The following KIF13B variants were observed in gnomAD, a reference collection of about 807,000 sequenced individuals.
The protein encoded by KIF13B is kinesin-like protein KIF13B.
In KIF13B, 127 loss-of-function variants were observed where a neutral mutation model predicts 222.0. The observed-to-expected ratio is 0.57, with a 90% CI of 0.50 to 0.66. The LOEUF (loss-of-function observed/expected upper bound fraction) is 0.66. Ranked by LOEUF, KIF13B falls within the 30% of genes least tolerant of loss-of-function variation. The pLI is 0.00. For missense variants in KIF13B, 2,173 were observed against 2,379.0 expected (o/e 0.91, Z 1.80); for synonymous variants, 976 against 919.0 (o/e 1.06, Z -1.12).
intron 10 of KIF13B, among the ~76,000 whole-genome samples, chr8:29,175,622 C>T (rs1223800758): frequency 6.6e-6 from 1 of 152,170 alleles, no homozygotes; most frequent in African/African-American, 2.4e-5. Context: ...ATGAGTAAAG[C>T]TAAACAGAAA....
At chr8:29,119,793 G>A (rs909335373) in intron 29 of KIF13B, among the ~76,000 whole-genome samples, 25 of 152,064 alleles carry the variant, frequency 1.6e-4, no homozygotes, top group Non-Finnish European at 2.2e-4. Context: ...ACCCCATCAA[G>A]CAAACAGACA....
At chr8:29,175,268 A>C (rs1354836639) in intron 10 of KIF13B, among the ~76,000 whole-genome samples, 1 of 152,180 alleles carries the variant, frequency 6.6e-6, no homozygotes, top group African/African-American at 2.4e-5. Context: ...GGGGCTCTGG[A>C]AGGCTAGAGG....
chr8:29,124,064 C>T lies in KIF13B; in HGVS notation c.3312G>A (p.Glu1104=), dbSNP rs780947624. 6.2e-7 allele frequency: 1 copy of T among 1,613,076 alleles called. No homozygotes were observed. The highest frequency in any genetic ancestry group is 8.5e-7 in the Non-Finnish European group (1 of 1,179,348). The stretch of plus-strand genomic sequence containing the variant: ...GCTTTTGCAATTGTTGATCCAAGTA[C>T]TCCTGACGTTTTGTTAATGCATTTA... The part of the protein sequence containing the change: ...KWLNALTKRQ[E]YLDQQLQKLV... Residue 1104 remains glutamate (E), a synonymous_variant, in exon 27 of 40, where the codon GAG becomes GAA. Transcript: ENST00000524189.
intron 21 of KIF13B, among the ~76,000 whole-genome samples, chr8:29,135,940 G>A (rs972033873): frequency 1.9e-4 from 26 of 137,208 alleles, no homozygotes; most frequent in African/African-American, 6.9e-4. Flanking sequence ...AAGTATTGAT[G>A]ACACACAAAA....
chr8:29,198,670 C>G (rs1348078779), intron 2 of KIF13B, among the ~76,000 whole-genome samples: 5 of 152,198 alleles, frequency 3.3e-5, no homozygotes, highest in African/African-American at 9.6e-5. Context: ...TTTGATCCAG[C>G]AACCCCACTA....
intron 5 of KIF13B, among the ~76,000 whole-genome samples, chr8:29,186,896 G>T (rs1162126155): frequency 6.6e-6 from 1 of 151,266 alleles, no homozygotes; most frequent in South Asian, 2.1e-4. Flanking sequence ...TTGAACCCGG[G>T]AGGCGGAGGT....
intron 2 of KIF13B, among the ~76,000 whole-genome samples, chr8:29,204,655 A>T (rs534314895): frequency 2.0e-5 from 3 of 152,256 alleles, no homozygotes; most frequent in Non-Finnish European, 4.4e-5. Context: ...AGGGTAATAC[A>T]CACTCATTTT....
chr8:29,141,755 T>C (rs1219321807), intron 19 of KIF13B, among the ~76,000 whole-genome samples: 1 of 152,210 alleles, frequency 6.6e-6, no homozygotes, highest in Non-Finnish European at 1.5e-5. Flanking sequence ...ACCACCGATG[T>C]TCAACTTACA....
intron 35 of KIF13B, among the ~76,000 whole-genome samples, chr8:29,107,449 A>G (rs1172466597): frequency 6.6e-6 from 1 of 151,796 alleles, no homozygotes; most frequent in Non-Finnish European, 1.5e-5. Flanking sequence ...AATCGCTTGA[A>G]CCTGGGAGGC....
intron 35 of KIF13B, among the ~76,000 whole-genome samples, chr8:29,101,384 T>C (rs1808778418): frequency 2.0e-5 from 3 of 152,298 alleles, no homozygotes; most frequent in Non-Finnish European, 2.9e-5. Context: ...GTAGCTGATA[T>C]GGCTGCGGTC....
intron 1 of KIF13B, among the ~76,000 whole-genome samples, chr8:29,260,321 A>C (rs1269571320): frequency 6.6e-6 from 1 of 152,218 alleles, no homozygotes; most frequent in Non-Finnish European, 1.5e-5. Flanking sequence ...TTTTCCTCAA[A>C]AGATAGCTAA....
intron 24 of KIF13B, 42 bp from the exon 25 acceptor site, chr8:29,127,310 A>T (rs1326724700): frequency 6.3e-7 from 1 of 1,579,308 alleles, no homozygotes; most frequent in Non-Finnish European, 8.6e-7. Context: ...CAGTGTCTTG[A>T]TTTCCAAAAA....
chr8:29,188,665 T>A (rs1813049688), intron 4 of KIF13B, 58 bp from the exon 5 acceptor site: 3 of 1,109,000 alleles, frequency 2.7e-6, no homozygotes, highest in Non-Finnish European at 2.6e-6. Context: ...TATGAACAAT[T>A]CACAAAACAA....
intron 36 of KIF13B, among the ~76,000 whole-genome samples, chr8:29,097,315 GA>G: frequency 6.6e-6 from 1 of 152,046 alleles, no homozygotes; most frequent in Non-Finnish European, 1.5e-5. Context: ...TAAATAATTA[GA>G]AGCTAATTAT....
rs530243558 is a variant in KIF13B at position 29,235,879 on chromosome 8, T to TA, written c.149+9466dup. 4.2e-3 allele frequency among the ~76,000 whole-genome samples: 636 copies of TA among 152,238 alleles called. 8 individuals are homozygous for TA. The highest frequency in any genetic ancestry group is 0.015 in the African/African-American group (610 of 41,532). On this transcript the variant is annotated intron_variant, in intron 2 of 39. Transcript: ENST00000524189. Reference sequence around the variant, plus strand: ...AAGGCAATGAGGTCCTTCCCTAGGGTAATGTCAGAAGAATGAAAAGGAATG... The same window carrying TA: ...AAGGCAATGAGGTCCTTCCCTAGGGTAAATGTCAGAAGAATGAAAAGGAATG...
At chr8:29,087,512 A>AAT (rs1208260069) in intron 37 of KIF13B, among the ~76,000 whole-genome samples, 2 of 152,256 alleles carry the variant, frequency 1.3e-5, no homozygotes, top group Non-Finnish European at 2.9e-5. Context: ...ACCACATAAT[A>AAT]AAAGAGAAGT....
At chr8:29,099,821 A>C (rs1300550491) in intron 35 of KIF13B, among the ~76,000 whole-genome samples, 1 of 152,042 alleles carries the variant, frequency 6.6e-6, no homozygotes, top group Non-Finnish European at 1.5e-5. Context: ...TCTACTCTGC[A>C]TCCTGTTGCC....
At chr8:29,166,847 A>C (rs535210860) in intron 11 of KIF13B, among the ~76,000 whole-genome samples, 6 of 152,360 alleles carry the variant, frequency 3.9e-5, no homozygotes, top group African/African-American at 1.4e-4. Flanking sequence ...AATACACAGA[A>C]AACAGCTGTA....
At chr8:29,107,957 T>C (rs1416266875) in intron 35 of KIF13B, among the ~76,000 whole-genome samples, 182 bp downstream of exon 35, 1 of 152,110 alleles carries the variant, frequency 6.6e-6, no homozygotes, top group African/African-American at 2.4e-5. Context: ...CAGAGTCTAA[T>C]AAACCTTATT....
Sources: gnomAD v4.1 joint callset for allele counts (sites outside exome capture counted in the v4.1 genomes callset) on GRCh38, gnomAD v4.1.1 for gene constraint, MANE v1.5 for transcripts, NCBI Gene and HGNC (gene_info 2026-07-23, HGNC 2026-07-21) for gene names.